The following GALNT7 variants were observed in gnomAD, a reference collection of about 807,000 sequenced individuals.
GALNT7 encodes N-acetylgalactosaminyltransferase 7.
A neutral mutation model predicts 82.1 loss-of-function variants in GALNT7; 60 were observed. The ratio of observed to expected loss-of-function variants is 0.73; its 90% CI spans 0.59 to 0.91. The LOEUF (loss-of-function observed/expected upper bound fraction) is 0.91, where lower values mean the gene tolerates loss of function less well. Among genes scored for constraint, GALNT7 ranks in the 40% least tolerant of loss-of-function variants. GALNT7 has a pLI of 0.00. For missense variants in GALNT7, 660 were observed against 804.2 expected (o/e 0.82, Z 2.17); for synonymous variants, 243 against 275.1 (o/e 0.88, Z 1.15).
At chr4:173,303,609 A>G (rs74685333) in intron 7 of GALNT7, among the ~76,000 whole-genome samples, 2,105 of 152,334 alleles carry the variant, frequency 0.014, 59 homozygotes, top group African/African-American at 0.048. Context: ...AGTAGAGAGA[A>G]GCCGAAGGTG....
chr4:173,168,925 G>C lies in GALNT7; in HGVS notation c.90G>C (p.Pro30=), dbSNP rs1207189416. 3.7e-6 allele frequency: 6 copies of C among 1,613,612 alleles called. No individual in the cohort carries two copies. The highest frequency in any genetic ancestry group is 2.2e-5 in the South Asian group (2 of 91,066). The part of the protein sequence containing the change: ...GLVVLWSSLT[P]RPDDPSPLSR... ...TGGTCCTCTGGTCTTCCCTGACCCC[G>C]CGGCCGGACGACCCAAGCCCGCTGA... The change falls in exon 1 of 12, where the codon CCG becomes CCC. Residue 30 remains proline, a synonymous_variant. Coordinates refer to ENST00000265000, the MANE Select transcript of GALNT7 (RefSeq NM_017423.3).
intron 3 of GALNT7, among the ~76,000 whole-genome samples, chr4:173,293,021 T>C (rs1736597496): frequency 6.6e-6 from 1 of 152,168 alleles, no homozygotes; most frequent in African/African-American, 2.4e-5. Context: ...AAAATACTAT[T>C]TCTATCTCAA....
At chr4:173,261,391 T>G (rs1192759976) in intron 2 of GALNT7, among the ~76,000 whole-genome samples, 1 of 102,852 alleles carries the variant, frequency 9.7e-6, no homozygotes. Context: ...TTTTTTTTTG[T>G]TTTTTTTTTT....
chr4:173,183,769 G>A (rs927987886), intron 1 of GALNT7, among the ~76,000 whole-genome samples: 3 of 149,286 alleles, frequency 2.0e-5, no homozygotes, highest in Non-Finnish European at 4.5e-5. Context: ...GGGGCGGCTG[G>A]CCTGGCAGGG....
intron 2 of GALNT7, among the ~76,000 whole-genome samples, chr4:173,286,012 GA>G (rs1339500242): frequency 6.6e-6 from 1 of 151,256 alleles, no homozygotes; most frequent in Non-Finnish European, 1.5e-5. Context: ...TCAGTTGACT[GA>G]AAAAAAACAA....
intron 1 of GALNT7, among the ~76,000 whole-genome samples, chr4:173,230,856 A>G (rs983916772): frequency 5.9e-5 from 9 of 152,188 alleles, no homozygotes; most frequent in African/African-American, 2.2e-4. Flanking sequence ...TGATAGTGTA[A>G]TTATCTTCTG....
At chr4:173,299,834 A>C (rs1736852858) in intron 6 of GALNT7, among the ~76,000 whole-genome samples, 1 of 151,794 alleles carries the variant, frequency 6.6e-6, no homozygotes, top group Non-Finnish European at 1.5e-5. Flanking sequence ...CAACAGAGTA[A>C]GACTTGGTCT....
At chr4:173,283,865 C>T (rs748947420) in intron 2 of GALNT7, among the ~76,000 whole-genome samples, 4 of 152,146 alleles carry the variant, frequency 2.6e-5, no homozygotes, top group Admixed American at 2.0e-4. Context: ...ATTCTTATTG[C>T]GCTGATGCAA....
chr4:173,176,460 G>A (rs976493626), intron 1 of GALNT7, among the ~76,000 whole-genome samples: 4 of 152,312 alleles, frequency 2.6e-5, no homozygotes, highest in South Asian at 2.1e-4. Context: ...AGTGTCCTGG[G>A]TTGGATGGTA....
At chr4:173,230,976 A>G (rs916905761) in intron 1 of GALNT7, among the ~76,000 whole-genome samples, 1 of 152,224 alleles carries the variant, frequency 6.6e-6, no homozygotes, top group Non-Finnish European at 1.5e-5. Flanking sequence ...CCATAGCCAC[A>G]GCACTACTTT....
At chr4:173,282,661 G>A (rs1736155807) in intron 2 of GALNT7, among the ~76,000 whole-genome samples, 1 of 152,140 alleles carries the variant, frequency 6.6e-6, no homozygotes, top group Non-Finnish European at 1.5e-5. Context: ...CAGAAAAAAG[G>A]TGCGTTTAAT....
chr4:173,196,270 G>T (rs531333037), intron 1 of GALNT7, among the ~76,000 whole-genome samples: 1 of 151,866 alleles, frequency 6.6e-6, no homozygotes, highest in Admixed American at 6.6e-5. Flanking sequence ...GATTACAGGC[G>T]CCTGCCACCA....
At chr4:173,244,260 C>G (rs1424985239) in intron 1 of GALNT7, among the ~76,000 whole-genome samples, 1 of 152,196 alleles carries the variant, frequency 6.6e-6, no homozygotes, top group African/African-American at 2.4e-5. Context: ...TTGCTGACCC[C>G]TCTCTCATGG....
intron 5 of GALNT7, among the ~76,000 whole-genome samples, chr4:173,296,656 C>T (rs73872542): frequency 0.027 from 4,121 of 152,274 alleles, 192 homozygotes; most frequent in African/African-American, 0.092. Context: ...AATCAGAGAG[C>T]TAATAAACTG....
chr4:173,211,343 T>C (rs1733279321), intron 1 of GALNT7, among the ~76,000 whole-genome samples: 1 of 152,232 alleles, frequency 6.6e-6, no homozygotes, highest in Non-Finnish European at 1.5e-5. Flanking sequence ...GAAAGGTACA[T>C]AGGTGATATT....
rs750767701 is a variant in GALNT7 at position 173,257,229 on chromosome 4, A to T, written c.587+8789A>T. Among the ~76,000 whole-genome samples the T allele has an allele frequency of 1.3e-5, 2 of 152,230 alleles. 1 individual carries two copies. Among genetic ancestry groups the T allele is most frequent in the Non-Finnish European group, 2.9e-5 (2 of 68,034 alleles). On this transcript the variant is annotated intron_variant, in intron 2 of 11. Coordinates refer to ENST00000265000, the MANE Select transcript of GALNT7 (RefSeq NM_017423.3). Reference sequence around the variant, plus strand: ...TTGATCTATAGGAATCATTTGTGACAGTTTCCCCATGGTTAAGGCAAGTCA... The same window carrying T: ...TTGATCTATAGGAATCATTTGTGACTGTTTCCCCATGGTTAAGGCAAGTCA...
chr4:173,195,903 G>A (rs558987002), intron 1 of GALNT7, among the ~76,000 whole-genome samples: 1 of 152,248 alleles, frequency 6.6e-6, no homozygotes, highest in Admixed American at 6.5e-5. Context: ...ACTAAAACAT[G>A]CCTCTTATTA....
At chr4:173,221,767 T>C (rs1733652322) in intron 1 of GALNT7, among the ~76,000 whole-genome samples, 1 of 152,242 alleles carries the variant, frequency 6.6e-6, no homozygotes, top group Non-Finnish European at 1.5e-5. Flanking sequence ...TGACTCAAAT[T>C]TTGGTTAAGT....
At chr4:173,243,087 A>G (rs1734490372) in intron 1 of GALNT7, among the ~76,000 whole-genome samples, 1 of 152,222 alleles carries the variant, frequency 6.6e-6, no homozygotes, top group Admixed American at 6.5e-5. Flanking sequence ...GCATAAGCTC[A>G]TCATTAAAAG....
Sources: gnomAD v4.1 joint callset for allele counts (sites outside exome capture counted in the v4.1 genomes callset) on GRCh38, gnomAD v4.1.1 for gene constraint, MANE v1.5 for transcripts, NCBI Gene and HGNC (gene_info 2026-07-23, HGNC 2026-07-21) for gene names.